Variants in SNW1 observed in about 807,000 individuals in gnomAD.
SNW1 encodes SNW domain-containing protein 1.
In SNW1, 9 loss-of-function variants were observed where a neutral mutation model predicts 75.6. The ratio of observed to expected loss-of-function variants is 0.12; its 90% CI spans 0.07 to 0.21. The LOEUF (loss-of-function observed/expected upper bound fraction) is 0.21. Ranked by LOEUF, SNW1 falls within the 10% of genes least tolerant of loss-of-function variation. The pLI is 1.00. For synonymous variants in SNW1, 200 were observed against 219.1 expected (o/e 0.91, Z 0.77); for missense variants, 409 against 670.9 (o/e 0.61, Z 4.31).
At chr14:77,741,328 A>T (rs1359564221) in intron 3 of SNW1, among the ~76,000 whole-genome samples, 2 of 152,146 alleles carry the variant, frequency 1.3e-5, no homozygotes, top group Non-Finnish European at 1.5e-5. Flanking sequence ...AGCCAGGGCA[A>T]CATGGCAAGA....
At chr14:77,718,604 A>G (rs556870402) in intron 12 of SNW1, 74 bp from the exon 13 acceptor site, 3 of 1,006,856 alleles carry the variant, frequency 3.0e-6, no homozygotes, top group South Asian at 3.3e-5. Flanking sequence ...ACATGTTTAC[A>G]GTAAACCCTT....
At position 77,718,485 on chromosome 14, in the gene SNW1, CATT is replaced by C. The variant is rs753583169; in HGVS notation, c.1291_1293del (p.Asn431del). On this transcript the variant is annotated inframe_deletion, in exon 13 of 14. Transcript: ENST00000261531. ...CCACCTCTCCAGGCTTGATCATAAACATTATAAATTTCATCTTCTCCACCTGCA... is the reference window on the plus strand; with the variant it reads ...CCACCTCTCCAGGCTTGATCATAAACATAAATTTCATCTTCTCCACCTGCA... 4.3e-6 allele frequency: 7 copies of C among 1,613,734 alleles called. No homozygotes were observed. The highest frequency in any genetic ancestry group is 1.7e-6 in the Non-Finnish European group (2 of 1,179,780).
Position 77,759,581 on chromosome 14 carries a change from C to G in SNW1, c.14+1533G>C, listed in dbSNP as rs1012766979. On this transcript the variant is annotated intron_variant, in intron 1 of 13. Coordinates refer to ENST00000261531, the MANE Select transcript of SNW1 (RefSeq NM_012245.3). ...TTTTCCTGTGTGTCCATTTCAAATT[C>G]CACCTTTTCCACAAAGTCTCCCCTC... Among the ~76,000 whole-genome samples the G allele has an allele frequency of 3.9e-5, 6 of 152,118 alleles. No individual in the cohort carries two copies. In the East Asian group the frequency reaches 1.2e-3, roughly 29 times the overall value.
intron 3 of SNW1, among the ~76,000 whole-genome samples, chr14:77,750,492 C>T (rs932670325): frequency 5.3e-5 from 8 of 152,134 alleles, no homozygotes; most frequent in African/African-American, 1.7e-4. Context: ...CAAAGCTCAG[C>T]AGCCATGATG....
intron 3 of SNW1, among the ~76,000 whole-genome samples, chr14:77,749,283 A>C (rs1321991851): frequency 6.6e-6 from 1 of 152,258 alleles, no homozygotes; most frequent in Non-Finnish European, 1.5e-5. Flanking sequence ...AAATGTGTTA[A>C]GAGACTTTTG....
rs755145409 is a variant in SNW1, at chr14:77,755,007, G to C, written c.128C>G (p.Pro43Arg). Reference protein sequence around the residue: ...SLVSSRREPPPYGYRKGWIPR... With the variant: ...SLVSSRREPPRYGYRKGWIPR... ...TATCCAGCCTTTCCGGTATCCGTAC[G>C]GGGGAGGTTCTCTTCGGGAGGAGAC... is the stretch of plus-strand genomic sequence containing the variant. Residue 43 changes from proline to arginine, a missense_variant, in exon 2 of 14, where the codon CCG becomes CGG. By Grantham distance (103) the Pro-to-Arg change is moderately radical. Around this residue, in one of 9 missense-constraint regions of SNW1, gnomAD observed 73 missense variants for 68.3 expected, o/e 1.07. Transcript: ENST00000261531. The C allele has an allele frequency of 1.2e-6, 2 of 1,609,342 alleles. No individual in the cohort carries two copies. The highest frequency in any genetic ancestry group is 1.3e-5 in the African/African-American group (1 of 74,806).
chr14:77,748,907 A>G (rs1352488233), intron 3 of SNW1, among the ~76,000 whole-genome samples: 4 of 152,138 alleles, frequency 2.6e-5, no homozygotes, highest in African/African-American at 9.7e-5. Context: ...ATTTTTTTTA[A>G]AAAAATCAAT....
intron 3 of SNW1, among the ~76,000 whole-genome samples, chr14:77,741,702 A>T (rs1011200418): frequency 6.6e-6 from 1 of 152,034 alleles, no homozygotes; most frequent in Non-Finnish European, 1.5e-5. Context: ...GCATGGAAAA[A>T]CCTATACAAC....
chr14:77,748,965 G>C lies in SNW1; in HGVS notation c.330+2354C>G, dbSNP rs188015611. 3.0e-3 allele frequency among the ~76,000 whole-genome samples: 455 copies of C among 152,144 alleles called. 9 individuals are homozygous for C. Among genetic ancestry groups the C allele is most frequent in the Non-Finnish European group, 1.8e-3 (125 of 68,002 alleles). ...CCCAGGCTTTCAGCATAAACAATTA[G>C]GAAAATATCACTACCACTTACTGAG... On this transcript the variant is annotated intron_variant, in intron 3 of 13. Coordinates refer to ENST00000261531, the MANE Select transcript of SNW1 (RefSeq NM_012245.3).
intron 3 of SNW1, among the ~76,000 whole-genome samples, chr14:77,750,626 T>C (rs1207709699): frequency 1.3e-5 from 2 of 151,754 alleles, no homozygotes; most frequent in East Asian, 3.9e-4. Flanking sequence ...TCATCAGTTC[T>C]AAGGAAATCT....
chr14:77,759,224 G>A (rs2080866278), intron 1 of SNW1, among the ~76,000 whole-genome samples: 1 of 152,180 alleles, frequency 6.6e-6, no homozygotes, highest in Non-Finnish European at 1.5e-5. Context: ...ACCCATGACA[G>A]GCCAGATGAT....
Position 77,758,157 on chromosome 14 carries a change from C to T in SNW1, c.14+2957G>A, listed in dbSNP as rs949206412. ...CCAGCCATGCCAATATAGTGAAACCCTGTCTCTATTAAAAACACAAAAATT... is the reference window on the plus strand; with the variant it reads ...CCAGCCATGCCAATATAGTGAAACCTTGTCTCTATTAAAAACACAAAAATT... On this transcript the variant is annotated intron_variant, in intron 1 of 13. Coordinates refer to ENST00000261531, the MANE Select transcript of SNW1 (RefSeq NM_012245.3). 1.8e-4 allele frequency among the ~76,000 whole-genome samples: 27 copies of T among 152,024 alleles called. No homozygotes were observed. In the South Asian group the frequency reaches 4.3e-3, roughly 24 times the overall value.
intron 1 of SNW1, 170 bp downstream of exon 1, chr14:77,760,944 T>G: frequency 1.4e-6 from 2 of 1,475,236 alleles, no homozygotes; most frequent in Non-Finnish European, 1.9e-6. Context: ...GACCCCAGCT[T>G]CGACTAGGCC....
intron 3 of SNW1, among the ~76,000 whole-genome samples, chr14:77,749,359 A>T (rs901574508): frequency 6.6e-6 from 1 of 152,222 alleles, no homozygotes; most frequent in African/African-American, 2.4e-5. Flanking sequence ...GAGTGAAAGG[A>T]AAGTGAAGAA....
chr14:77,735,496 C>T (rs554690313), intron 7 of SNW1, among the ~76,000 whole-genome samples: 63 of 152,228 alleles, frequency 4.1e-4, no homozygotes, highest in Admixed American at 3.7e-3. Flanking sequence ...TTGGTCAGGC[C>T]GGTCTTGAAC....
rs1427931188 is a variant in SNW1 at position 77,761,134 on chromosome 14, C to T, written c.-7G>A. The T allele has an allele frequency of 2.5e-6, 4 of 1,614,258 alleles. No homozygotes were observed. Among genetic ancestry groups the T allele is most frequent in the Non-Finnish European group, 3.4e-6 (4 of 1,180,044 alleles). The stretch of plus-strand genomic sequence containing the variant: ...CCCACCTGGTGAGCGCCATCTTCTT[C>T]CGCTTCTTCCAGCGCGAGCGACAGC... On this transcript the variant is annotated 5_prime_UTR_variant, in exon 1 of 14. Transcript: ENST00000261531.
chr14:77,732,886 A>G (rs976047776), intron 8 of SNW1, among the ~76,000 whole-genome samples: 129 of 152,304 alleles, frequency 8.5e-4, no homozygotes, highest in African/African-American at 3.1e-3. Context: ...ATGGTTTTGA[A>G]TTCCTGACCT....
intron 6 of SNW1, 26 bp downstream of exon 6, chr14:77,736,945 T>C: frequency 1.4e-6 from 2 of 1,474,192 alleles, no homozygotes; most frequent in Non-Finnish European, 1.9e-6. Flanking sequence ...ATTGTGTGTA[T>C]TAGTAGCCTA....
intron 10 of SNW1, among the ~76,000 whole-genome samples, chr14:77,730,004 C>T (rs928684903): frequency 6.6e-6 from 1 of 152,180 alleles, no homozygotes; most frequent in Non-Finnish European, 1.5e-5. Context: ...CTTTCTCATA[C>T]AAATCCAGTC....
Sources: gnomAD v4.1 joint callset for allele counts (sites outside exome capture counted in the v4.1 genomes callset) on GRCh38, gnomAD v4.1.1 for gene constraint, gnomAD v4.1.1 regional missense constraint, MANE v1.5 for transcripts, NCBI Gene and HGNC (gene_info 2026-07-23, HGNC 2026-07-21) for gene names.